Variants in UNC13C observed in about 807,000 individuals in gnomAD.
The protein encoded by UNC13C is unc-13 homolog C, also known as protein unc-13 homolog C.
A neutral mutation model predicts 245.4 loss-of-function variants in UNC13C; 174 were observed. The observed-to-expected ratio is 0.71, with a 90% CI of 0.63 to 0.80. The LOEUF is 0.80. Among genes scored for constraint, UNC13C ranks in the 30% least tolerant of loss-of-function variants. The pLI is 0.00. For missense variants in UNC13C, 2,829 were observed against 2,602.9 expected (o/e 1.09, Z -1.89); for synonymous variants, 992 against 895.1 (o/e 1.11, Z -1.93).
intron 30 of UNC13C, among the ~76,000 whole-genome samples, chr15:54,619,446 T>C (rs942111874): frequency 2.0e-5 from 3 of 152,184 alleles, no homozygotes; most frequent in South Asian, 2.1e-4. Context: ...TCCAGGTTTG[T>C]AAAATAATCA....
chr15:54,167,602 G>GAAAAAAGA (rs2033224090), intron 4 of UNC13C, among the ~76,000 whole-genome samples: 1 of 63,570 alleles, frequency 1.6e-5, no homozygotes, highest in Non-Finnish European at 2.9e-5. Context: ...ATCCAAATAG[G>GAAAAAAGA]AAAAAAAAAA....
At chr15:54,167,602 G>GAAAAAAAAAAAAAAAAAAAAAAAAAA (rs35210236) in intron 4 of UNC13C, among the ~76,000 whole-genome samples, 2 of 63,570 alleles carry the variant, frequency 3.1e-5, no homozygotes, top group African/African-American at 6.0e-5. Flanking sequence ...ATCCAAATAG[G>GAAAAAAAAAAAAAAAAAAAAAAAAAA]AAAAAAAAAA....
intron 17 of UNC13C, among the ~76,000 whole-genome samples, chr15:54,340,245 T>G (rs1260814386): frequency 1.3e-5 from 2 of 152,240 alleles, no homozygotes; most frequent in African/African-American, 2.4e-5. Flanking sequence ...GTCTATTTAC[T>G]CTACTGACTG....
At chr15:54,526,740 G>GAAAAAAAAAAAAA (rs1164016477) in intron 25 of UNC13C, among the ~76,000 whole-genome samples, 1 of 63,096 alleles carries the variant, frequency 1.6e-5, no homozygotes, top group Non-Finnish European at 3.2e-5. Context: ...ACTCCGTCTA[G>GAAAAAAAAAAAAA]AAAAAAAAAA....
the UNC13C span, among the ~76,000 whole-genome samples, chr15:53,844,297 CT>C: frequency 6.6e-6 from 1 of 152,088 alleles, no homozygotes; most frequent in African/African-American, 2.4e-5. Flanking sequence ...AATTTGGTCA[CT>C]GTTAAAGAGA....
intron 17 of UNC13C, among the ~76,000 whole-genome samples, chr15:54,352,928 A>G (rs2039016505): frequency 6.6e-6 from 1 of 152,140 alleles, no homozygotes; most frequent in African/African-American, 2.4e-5. Context: ...GATTTTTACA[A>G]TTTTATCTAT....
chr15:54,201,136 G>A (rs543197884), intron 4 of UNC13C, among the ~76,000 whole-genome samples: 1 of 152,058 alleles, frequency 6.6e-6, no homozygotes, highest in East Asian at 1.9e-4. Flanking sequence ...TCTCTGAACA[G>A]ACCAATAACA....
downstream of UNC13C, chr15:54,629,222 G>C (rs1279115008): frequency 6.6e-6 from 1 of 152,092 alleles, no homozygotes; most frequent in African/African-American, 2.4e-5. Flanking sequence ...TATCACAAGT[G>C]GAAGCTAAAC....
intron 4 of UNC13C, among the ~76,000 whole-genome samples, chr15:54,191,047 T>A (rs976192121): frequency 6.6e-6 from 1 of 152,304 alleles, no homozygotes; most frequent in African/African-American, 2.4e-5. Context: ...GTTCCTTAAC[T>A]TTTTAAGCAT....
chr15:54,093,769 C>T (rs118184689), intron 2 of UNC13C, among the ~76,000 whole-genome samples: 7 of 152,266 alleles, frequency 4.6e-5, no homozygotes, highest in East Asian at 3.9e-4. Flanking sequence ...AGAAAAGTCA[C>T]ATTCAGCTTT....
At chr15:53,947,561 T>G in the UNC13C span, 4 of 152,356 alleles carry the variant, frequency 2.6e-5, no homozygotes, top group East Asian at 1.9e-4. Flanking sequence ...TAGACCATCA[T>G]GCCTCTGATC....
intron 4 of UNC13C, among the ~76,000 whole-genome samples, chr15:54,196,674 C>A (rs553898316): frequency 6.6e-6 from 1 of 152,092 alleles, no homozygotes; most frequent in Non-Finnish European, 1.5e-5. Flanking sequence ...ACTTGACTTG[C>A]AGTCAGTGAG....
chr15:53,925,450 T>C, the UNC13C span, among the ~76,000 whole-genome samples: 1 of 152,122 alleles, frequency 6.6e-6, no homozygotes, highest in African/African-American at 2.4e-5. Context: ...GCAGTTAGCA[T>C]TGGCCACACA....
At chr15:54,393,544 A>G (rs2040007232) in intron 18 of UNC13C, among the ~76,000 whole-genome samples, 1 of 151,920 alleles carries the variant, frequency 6.6e-6, no homozygotes, top group Non-Finnish European at 1.5e-5. Context: ...AACATATTGC[A>G]TTGTGGCTTT....
intron 2 of UNC13C, among the ~76,000 whole-genome samples, chr15:54,131,909 A>G (rs898000669): frequency 6.6e-6 from 1 of 151,922 alleles, no homozygotes; most frequent in Non-Finnish European, 1.5e-5. Flanking sequence ...ACCTTCACAC[A>G]TCAACAAAAC....
At chr15:54,614,785 T>C (rs558965418) in intron 30 of UNC13C, among the ~76,000 whole-genome samples, 2 of 152,144 alleles carry the variant, frequency 1.3e-5, no homozygotes, top group South Asian at 2.1e-4. Flanking sequence ...TCTGTAAACA[T>C]TTCATCCAGA....
intron 19 of UNC13C, among the ~76,000 whole-genome samples, chr15:54,466,732 G>A (rs1280518103): frequency 1.3e-5 from 2 of 151,860 alleles, no homozygotes; most frequent in East Asian, 3.8e-4. Context: ...CAGTGGAGGT[G>A]GGGTGGGATT....
intron 19 of UNC13C, among the ~76,000 whole-genome samples, chr15:54,427,961 T>G (rs1245752861): frequency 6.6e-6 from 1 of 151,830 alleles, no homozygotes; most frequent in African/African-American, 2.4e-5. Flanking sequence ...CCATTGTCTT[T>G]TGGTATATAG....
intron 2 of UNC13C, among the ~76,000 whole-genome samples, chr15:54,078,930 T>G (rs1334134803): frequency 6.6e-6 from 1 of 152,168 alleles, no homozygotes; most frequent in Non-Finnish European, 1.5e-5. Flanking sequence ...ATTCTAGAAT[T>G]TTTATAGTTT....
Sources: allele counts gnomAD v4.1 joint callset (sites outside exome capture counted in the v4.1 genomes callset), GRCh38; gene constraint gnomAD v4.1.1; transcripts MANE v1.5; gene names NCBI Gene and HGNC (gene_info 2026-07-23, HGNC 2026-07-21).